The following EIF2A variants were observed in gnomAD, a reference collection of about 807,000 sequenced individuals.
The protein encoded by EIF2A is 65 kDa eukaryotic translation initiation factor 2A.
A neutral mutation model predicts 75.2 loss-of-function variants in EIF2A; 62 were observed. The observed-to-expected ratio is 0.82, with a 90% CI of 0.67 to 1.02. The LOEUF (loss-of-function observed/expected upper bound fraction) is 1.02. Ranked by LOEUF, EIF2A falls within the 50% of genes least tolerant of loss-of-function variation. EIF2A has a pLI of 0.00. For missense variants in EIF2A, 611 were observed against 677.7 expected (o/e 0.90, Z 1.09); for synonymous variants, 207 against 239.0 (o/e 0.87, Z 1.23).
rs1433802717 is a variant in EIF2A at position 150,563,624 on chromosome 3, T to G, written c.392+10T>G. 6.7e-7 allele frequency: 1 copy of G among 1,501,482 alleles called. No homozygotes were observed. Among genetic ancestry groups the G allele is most frequent in the South Asian group, 1.3e-5 (1 of 76,834 alleles). The allele number at this position is 1,501,482 out of a possible 1,614,324, so 93.0% of individuals were successfully genotyped here. The stretch of plus-strand genomic sequence containing the variant: ...AAAAAATGCAAAATTGGTAAATAAA[T>G]GGCTTAAAATACTAATTTTTTACAT... On this transcript the variant is annotated intron_variant, in intron 5 of 13. Transcript: ENST00000460851.
At chr3:150,560,914 T>A (rs1457833848) in intron 3 of EIF2A, among the ~76,000 whole-genome samples, 1 of 152,122 alleles carries the variant, frequency 6.6e-6, no homozygotes, top group Non-Finnish European at 1.5e-5. Context: ...AAGATTGTTG[T>A]AAGGATTAAA....
intron 3 of EIF2A, among the ~76,000 whole-genome samples, chr3:150,561,099 C>T (rs1006018096): frequency 6.6e-6 from 1 of 152,114 alleles, no homozygotes; most frequent in African/African-American, 2.4e-5. Context: ...TACTGATTTC[C>T]CTAGCTGCTA....
intron 2 of EIF2A, among the ~76,000 whole-genome samples, chr3:150,557,959 T>G (rs116813856): frequency 0.018 from 2,797 of 152,330 alleles, 26 homozygotes; most frequent in Non-Finnish European, 0.029. Flanking sequence ...TCTATTTGGG[T>G]ATTCATTATC....
intron 3 of EIF2A, among the ~76,000 whole-genome samples, chr3:150,559,498 C>CCT (rs1723737345): frequency 1.8e-5 from 2 of 110,552 alleles, no homozygotes; most frequent in East Asian, 5.4e-4. Flanking sequence ...ATGCCCAGCC[C>CCT]TTTTTTTTTT....
chr3:150,557,400 AT>A (rs1250090982), intron 2 of EIF2A, among the ~76,000 whole-genome samples: 1 of 151,796 alleles, frequency 6.6e-6, no homozygotes, highest in African/African-American at 2.4e-5. Flanking sequence ...TGTGGGAAAG[AT>A]TTTTTTTATT....
Position 150,572,134 on chromosome 3 carries a change from G to T in EIF2A, c.988G>T (p.Val330Leu). 2 of 1,613,904 alleles carry T rather than the reference G, an allele frequency of 1.2e-6. No homozygotes were observed. Among genetic ancestry groups the T allele is most frequent in the Non-Finnish European group, 8.5e-7 (1 of 1,179,846 alleles). ...CTATAGCCCTCATGGACATATATTA[G>T]TATTAGCTGGATTTGGAAATCTGAG... ...AYYSPHGHILVLAGFGNLRGQ... is the reference protein window; with the variant it reads ...AYYSPHGHILLLAGFGNLRGQ... Residue 330 changes from valine to leucine, a missense_variant, in exon 10 of 14, where the codon GTA (valine) becomes TTA (leucine). Coordinates refer to ENST00000460851, the MANE Select transcript of EIF2A (RefSeq NM_032025.5).
In EIF2A at chr3:150,585,693, T is replaced by C. The variant is rs1725440057; in HGVS notation, c.*1782T>C. Reference sequence around the variant, plus strand: ...CATAACTAATATATGGACAGGAAGTTAATAGACTGACTGTGCCACCTTAAA... The same window carrying C: ...CATAACTAATATATGGACAGGAAGTCAATAGACTGACTGTGCCACCTTAAA... On this transcript the variant is annotated 3_prime_UTR_variant, in exon 14 of 14. Transcript: ENST00000460851. Among the ~76,000 whole-genome samples the C allele has an allele frequency of 6.6e-6, 1 of 152,200 alleles. No homozygotes were observed. The highest frequency in any genetic ancestry group is 6.5e-5 in the Admixed American group (1 of 15,278).
intron 10 of EIF2A, among the ~76,000 whole-genome samples, chr3:150,574,489 A>G (rs1559884247): frequency 6.6e-6 from 1 of 152,278 alleles, no homozygotes; most frequent in Non-Finnish European, 1.5e-5. Flanking sequence ...CATATTATGT[A>G]TAAAACAAAT....
At chr3:150,568,520 G>C (rs576406136) in intron 9 of EIF2A, among the ~76,000 whole-genome samples, 21 of 152,180 alleles carry the variant, frequency 1.4e-4, no homozygotes, top group Non-Finnish European at 2.8e-4. Flanking sequence ...TTTTAGAAGT[G>C]AACTTCCTGA....
chr3:150,581,417 G>A (rs983440147), intron 11 of EIF2A, among the ~76,000 whole-genome samples: 6 of 152,052 alleles, frequency 3.9e-5, no homozygotes, highest in African/African-American at 1.2e-4. Context: ...AAACTTCCTG[G>A]TTTACTCTGA....
At chr3:150,559,336 TA>T (rs938834094) in intron 3 of EIF2A, among the ~76,000 whole-genome samples, 6 of 151,884 alleles carry the variant, frequency 4.0e-5, no homozygotes, top group Middle Eastern at 3.2e-3. Flanking sequence ...CTTTTATAAT[TA>T]AAAAAAATTG....
intron 11 of EIF2A, among the ~76,000 whole-genome samples, 160 bp downstream of exon 11, chr3:150,575,922 C>G (rs1724838218): frequency 6.6e-6 from 1 of 152,026 alleles, no homozygotes; most frequent in Non-Finnish European, 1.5e-5. Context: ...AACCCTGTCT[C>G]TACTAAAAAT....
chr3:150,567,890 T>G lies in EIF2A; in HGVS notation c.550-12T>G, dbSNP rs1342006547. The G allele has an allele frequency of 6.3e-7, 1 of 1,593,546 alleles. No individual in the cohort carries two copies. Among genetic ancestry groups the G allele is most frequent in the Non-Finnish European group, 8.5e-7 (1 of 1,174,444 alleles). ...AAAAAATTAAGTAATGATTTATGTC[T>G]ATGTATCTTAGGTGGCTGTCTATGT... is the stretch of plus-strand genomic sequence containing the variant. On this transcript the variant is annotated splice_polypyrimidine_tract_variant and intron_variant, in intron 7 of 13. Coordinates refer to ENST00000460851, the MANE Select transcript of EIF2A (RefSeq NM_032025.5).
chr3:150,572,551 T>G (rs1724598295), intron 10 of EIF2A, 22 bp downstream of exon 10: 2 of 1,576,408 alleles, frequency 1.3e-6, no homozygotes, highest in Non-Finnish European at 1.7e-6. Context: ...TTTACTACTT[T>G]TATAGAAAAA....
chr3:150,573,957 C>T (rs1170024686), intron 10 of EIF2A, among the ~76,000 whole-genome samples: 1 of 152,112 alleles, frequency 6.6e-6, no homozygotes, highest in Admixed American at 6.5e-5. Context: ...GATCTGTAAT[C>T]TCAGCACTTT....
At chr3:150,559,846 T>C (rs1256241326) in intron 3 of EIF2A, among the ~76,000 whole-genome samples, 1 of 152,132 alleles carries the variant, frequency 6.6e-6, no homozygotes, top group East Asian at 1.9e-4. Context: ...GAGTCTTATC[T>C]ACAATGTTAA....
intron 11 of EIF2A, among the ~76,000 whole-genome samples, chr3:150,578,833 T>A (rs1374997183): frequency 6.6e-6 from 1 of 152,356 alleles, no homozygotes; most frequent in East Asian, 1.9e-4. Flanking sequence ...TTCTTAGTCC[T>A]GACTCTGAAG....
intron 11 of EIF2A, among the ~76,000 whole-genome samples, chr3:150,576,219 T>C (rs1559885031): frequency 3.9e-5 from 6 of 152,210 alleles, no homozygotes; most frequent in Admixed American, 1.3e-4. Flanking sequence ...CGTGGGAGAA[T>C]TGCTTGAGCC....
chr3:150,551,178 C>G (rs1277109208), intron 1 of EIF2A, among the ~76,000 whole-genome samples: 2 of 151,880 alleles, frequency 1.3e-5, no homozygotes, highest in Admixed American at 1.3e-4. Flanking sequence ...TCTTTTATAC[C>G]CTCAGTGGTA....
Sources: gnomAD v4.1 joint callset for allele counts (sites outside exome capture counted in the v4.1 genomes callset) on GRCh38, gnomAD v4.1.1 for gene constraint, MANE v1.5 for transcripts, NCBI Gene and HGNC (gene_info 2026-07-23, HGNC 2026-07-21) for gene names.